The following UMAD1 variants were observed in gnomAD, a reference collection of about 807,000 sequenced individuals.
UMAD1 encodes the protein UBAP1-MVB12-associated (UMA) domain containing 1, also known as UBAP1-MVB12-associated (UMA)-domain containing protein 1.
A neutral mutation model predicts 6.1 loss-of-function variants in UMAD1; 8 were observed. The ratio of observed to expected loss-of-function variants is 1.30; its 90% CI spans 0.76 to 2.35. The LOEUF (loss-of-function observed/expected upper bound fraction) is 2.35. Among genes scored for constraint, UMAD1 ranks in the 30% most tolerant of loss-of-function variants. The pLI is 0.00. For synonymous variants in UMAD1, 56 were observed against 31.4 expected (o/e 1.78, Z -2.61); for missense variants, 130 against 78.4 (o/e 1.66, Z -2.49).
chr7:7,682,812 T>C (rs1453718623), intron 2 of UMAD1, among the ~76,000 whole-genome samples: 1 of 152,244 alleles, frequency 6.6e-6, no homozygotes, highest in African/African-American at 2.4e-5. Context: ...TTTTGACCTT[T>C]AAATTGCAAA....
At chr7:7,717,609 C>T (rs1248043550) in intron 2 of UMAD1, among the ~76,000 whole-genome samples, 1 of 152,220 alleles carries the variant, frequency 6.6e-6, no homozygotes, top group Non-Finnish European at 1.5e-5. Context: ...GTCTCAATCA[C>T]ATTGGCTAAC....
chr7:7,855,746 G>T (rs1784005196), intron 3 of UMAD1, among the ~76,000 whole-genome samples: 1 of 152,204 alleles, frequency 6.6e-6, no homozygotes, highest in South Asian at 2.1e-4. Flanking sequence ...TCTGCAGAGG[G>T]TTTGAATTTT....
chr7:7,678,086 C>T (rs907235593), intron 2 of UMAD1, among the ~76,000 whole-genome samples: 2 of 152,062 alleles, frequency 1.3e-5, no homozygotes, highest in African/African-American at 4.8e-5. Flanking sequence ...CTGATTTCTT[C>T]TTTTGGGTAT....
intron 2 of UMAD1, among the ~76,000 whole-genome samples, chr7:7,686,178 A>G (rs1452536284): frequency 6.6e-6 from 1 of 152,212 alleles, no homozygotes; most frequent in African/African-American, 2.4e-5. Context: ...GAGCAAAACT[A>G]TTCTAGGTGG....
At chr7:7,645,727 G>T (rs1363106158) in intron 1 of UMAD1, among the ~76,000 whole-genome samples, 1 of 151,882 alleles carries the variant, frequency 6.6e-6, no homozygotes, top group Non-Finnish European at 1.5e-5. Flanking sequence ...TTCAGTGTTT[G>T]AACCAAGCTC....
intron 3 of UMAD1, among the ~76,000 whole-genome samples, chr7:7,816,087 A>G (rs1327625299): frequency 8.5e-5 from 13 of 152,206 alleles, no homozygotes; most frequent in South Asian, 4.1e-4. Flanking sequence ...GGACCTTTAC[A>G]TGTATTAACT....
chr7:7,759,449 G>A (rs1781841896), intron 2 of UMAD1, among the ~76,000 whole-genome samples: 1 of 152,180 alleles, frequency 6.6e-6, no homozygotes, highest in Non-Finnish European at 1.5e-5. Context: ...CGGTTACATC[G>A]AGCATTTTGC....
chr7:7,839,442 G>A (rs973603888), intron 3 of UMAD1, among the ~76,000 whole-genome samples: 16 of 152,132 alleles, frequency 1.1e-4, no homozygotes, highest in African/African-American at 3.6e-4. Flanking sequence ...CTTGAACTCC[G>A]GGGCTCAAGC....
At chr7:7,712,784 T>C (rs578210662) in intron 2 of UMAD1, among the ~76,000 whole-genome samples, 2 of 152,352 alleles carry the variant, frequency 1.3e-5, no homozygotes, top group South Asian at 4.1e-4. Context: ...TTTGCAATTG[T>C]GAACTACTAC....
intron 1 of UMAD1, among the ~76,000 whole-genome samples, chr7:7,642,314 T>C (rs962086330): frequency 6.6e-6 from 1 of 151,692 alleles, no homozygotes; most frequent in African/African-American, 2.4e-5. Flanking sequence ...AAGATTTTTT[T>C]TTTGTTGTTT....
At chr7:7,826,403 C>T (rs1783342439) in intron 3 of UMAD1, among the ~76,000 whole-genome samples, 1 of 152,116 alleles carries the variant, frequency 6.6e-6, no homozygotes, top group South Asian at 2.1e-4. Flanking sequence ...ATGACAAGCA[C>T]TTGAGAAATG....
At chr7:7,832,744 G>A (rs1783489963) in intron 3 of UMAD1, among the ~76,000 whole-genome samples, 1 of 152,188 alleles carries the variant, frequency 6.6e-6, no homozygotes, top group Non-Finnish European at 1.5e-5. Context: ...TTAACTTCTA[G>A]GATTTTAGAA....
intron 3 of UMAD1, among the ~76,000 whole-genome samples, chr7:7,825,741 A>C (rs1266947183): frequency 6.6e-6 from 1 of 152,178 alleles, no homozygotes; most frequent in Non-Finnish European, 1.5e-5. Flanking sequence ...AGTACCAAGG[A>C]AAAAGGTGTT....
intron 3 of UMAD1, among the ~76,000 whole-genome samples, chr7:7,858,419 T>C (rs911470157): frequency 2.6e-5 from 4 of 152,138 alleles, no homozygotes; most frequent in African/African-American, 9.7e-5. Context: ...AAAAGCTCTG[T>C]TGGGCTGTAA....
intron 2 of UMAD1, among the ~76,000 whole-genome samples, chr7:7,776,418 G>A (rs1245461468): frequency 6.6e-6 from 1 of 152,210 alleles, no homozygotes; most frequent in Non-Finnish European, 1.5e-5. Context: ...GTATTCTCAA[G>A]TGACAGGGTT....
chr7:7,753,779 G>C, intron 2 of UMAD1, among the ~76,000 whole-genome samples: 1 of 152,100 alleles, frequency 6.6e-6, no homozygotes, highest in Non-Finnish European at 1.5e-5. Flanking sequence ...TCTTTCCTTT[G>C]GGTATATACC....
chr7:7,755,707 G>A (rs1444527780), intron 2 of UMAD1, among the ~76,000 whole-genome samples: 5 of 152,120 alleles, frequency 3.3e-5, no homozygotes, highest in African/African-American at 7.2e-5. Flanking sequence ...AAAAAAATCC[G>A]AGTGGTTACA....
chr7:7,778,937 C>T (rs1266513423), intron 2 of UMAD1, among the ~76,000 whole-genome samples: 5 of 152,140 alleles, frequency 3.3e-5, no homozygotes, highest in Admixed American at 3.3e-4. Flanking sequence ...ACACGTTAGG[C>T]TAAGCATTTT....
intron 2 of UMAD1, among the ~76,000 whole-genome samples, chr7:7,740,340 T>TTATCTGTTTTGTCTCCCC: frequency 6.6e-6 from 1 of 152,238 alleles, no homozygotes; most frequent in South Asian, 2.1e-4. Flanking sequence ...TTAAAAAAAG[T>TTATCTGTTTTGTCTCCCC]TATCTGTTTT....
Sources: allele counts gnomAD v4.1 joint callset (sites outside exome capture counted in the v4.1 genomes callset), GRCh38; gene constraint gnomAD v4.1.1; transcripts MANE v1.5; gene names NCBI Gene and HGNC (gene_info 2026-07-23, HGNC 2026-07-21).